Variants in NSMCE1 observed in about 807,000 individuals in gnomAD.
The protein encoded by NSMCE1 is NSE1 component of SMC5/6 complex.
A neutral mutation model predicts 29.6 loss-of-function variants in NSMCE1; 18 were observed. The ratio of observed to expected loss-of-function variants is 0.61; its 90% CI spans 0.42 to 0.90. The LOEUF is 0.90. Ranked by LOEUF, NSMCE1 falls within the 40% of genes least tolerant of loss-of-function variation. The pLI, the probability that NSMCE1 is intolerant of heterozygous loss-of-function variation, is 0.00. For missense variants in NSMCE1, 314 were observed against 343.6 expected (o/e 0.91, Z 0.68); for synonymous variants, 124 against 133.4 (o/e 0.93, Z 0.49).
intron 2 of NSMCE1, among the ~76,000 whole-genome samples, chr16:27,253,213 T>C (rs145309141): frequency 6.6e-6 from 1 of 152,368 alleles, no homozygotes; most frequent in African/African-American, 2.4e-5. Flanking sequence ...TGGGAACCAC[T>C]GATGTACAGC....
At chr16:27,264,117 A>G (rs2084193076) in intron 1 of NSMCE1, among the ~76,000 whole-genome samples, 1 of 152,218 alleles carries the variant, frequency 6.6e-6, no homozygotes. Flanking sequence ...TAATCCCAGC[A>G]CTTTGGGAGG....
chr16:27,251,185 T>TATATATAA (rs1555477389), intron 2 of NSMCE1, among the ~76,000 whole-genome samples: 9 of 52,834 alleles, frequency 1.7e-4, no homozygotes, highest in Non-Finnish European at 2.8e-4. Flanking sequence ...TATATATATA[T>TATATATAA]ATATAAATAT....
Position 27,232,849 on chromosome 16 carries a change from C to T in NSMCE1, c.483+152G>A. On this transcript the variant is annotated intron_variant, in intron 5 of 7. Transcript: ENST00000361439. The surrounding 1 kb of genome is among the most constrained non-coding windows in gnomAD (Gnocchi z 4.5). ...GGAGGAGTGAGGCCCAAGTCCTCCC[C>T]ACGGGGTCACTGCTGGAATGCATGA... is the stretch of plus-strand genomic sequence containing the variant. 1 of 728,906 alleles carries T rather than the reference C, an allele frequency of 1.4e-6. No homozygotes were observed. Among genetic ancestry groups the T allele is most frequent in the Non-Finnish European group, 2.2e-6 (1 of 447,580 alleles). The allele number at this position is 728,906 out of a possible 1,614,324, so 45.2% of individuals were successfully genotyped here.
intron 2 of NSMCE1, among the ~76,000 whole-genome samples, chr16:27,252,683 C>T (rs1228942180): frequency 1.3e-5 from 2 of 152,150 alleles, no homozygotes; most frequent in African/African-American, 2.4e-5. Context: ...CTTGGGGAGG[C>T]GGAGGCAGGC....
chr16:27,229,364 G>T (rs775052419), intron 5 of NSMCE1, among the ~76,000 whole-genome samples: 1 of 152,186 alleles, frequency 6.6e-6, no homozygotes, highest in Non-Finnish European at 1.5e-5. Context: ...CACTGATCTC[G>T]GGCTCCCCCT....
chr16:27,251,061 G>A (rs1256238894), intron 2 of NSMCE1, among the ~76,000 whole-genome samples: 5 of 147,454 alleles, frequency 3.4e-5, no homozygotes, highest in East Asian at 2.0e-4. Flanking sequence ...GGCTAGTCTC[G>A]AACTCCCGAC....
intron 6 of NSMCE1, chr16:27,226,495 C>A (rs532811472): frequency 1.9e-6 from 1 of 524,186 alleles, no homozygotes; most frequent in East Asian, 3.1e-5. Flanking sequence ...GGCCCTTGGA[C>A]CCCAACAGCA....
chr16:27,225,104 G>T lies in NSMCE1; in HGVS notation c.*53C>A. On this transcript the variant is annotated 3_prime_UTR_variant, in exon 8 of 8. Transcript: ENST00000361439. ...CACGGACGCCTTTCTTCCAAGAAGG[G>T]CTGTGGCGATCAGGCCACTCAAGGC... is the stretch of plus-strand genomic sequence containing the variant. The T allele has an allele frequency of 2.0e-6, 2 of 1,001,292 alleles. No individual in the cohort carries two copies. The highest frequency in any genetic ancestry group is 5.1e-5 in the East Asian group (2 of 39,594). 62.0% of individuals were successfully genotyped at this position (1,001,292 alleles called of 1,614,324 possible). A position where few individuals can be genotyped will look rare whatever the true frequency, so the allele number is the denominator to read the frequency against.
chr16:27,255,968 T>C (rs562476163), intron 2 of NSMCE1, among the ~76,000 whole-genome samples: 1 of 152,334 alleles, frequency 6.6e-6, no homozygotes, highest in Non-Finnish European at 1.5e-5. Context: ...GTGTTTGCCT[T>C]TGGGGACAGG....
intron 2 of NSMCE1, among the ~76,000 whole-genome samples, chr16:27,256,316 C>T (rs769503258): frequency 5.9e-5 from 9 of 152,140 alleles, no homozygotes; most frequent in African/African-American, 1.9e-4. Flanking sequence ...AATAATGTCA[C>T]GTTGGCTTCA....
intron 5 of NSMCE1, among the ~76,000 whole-genome samples, chr16:27,231,980 C>T (rs1295611525): frequency 6.6e-6 from 1 of 152,210 alleles, no homozygotes. Context: ...GCCCTCACCC[C>T]ATGACCTCTC....
At chr16:27,236,516 C>G (rs924054657) in intron 2 of NSMCE1, among the ~76,000 whole-genome samples, 1 of 151,994 alleles carries the variant, frequency 6.6e-6, no homozygotes, top group East Asian at 1.9e-4. Flanking sequence ...AGGCTGGTCT[C>G]GATCTCCTGA....
chr16:27,225,137 C>T lies in NSMCE1; in HGVS notation c.*20G>A. ...GATCAGGCCACTCAAGGCAGCCAGC[C>T]CCTCAGCAGGGCACGATGGCTAATG... On this transcript the variant is annotated 3_prime_UTR_variant, in exon 8 of 8. Transcript: ENST00000361439. The T allele has an allele frequency of 6.6e-7, 1 of 1,516,824 alleles. No individual in the cohort carries two copies. Among genetic ancestry groups the T allele is most frequent in the Non-Finnish European group, 9.1e-7 (1 of 1,100,690 alleles). The allele number at this position is 1,516,824 out of a possible 1,614,324, so 94.0% of individuals were successfully genotyped here.
rs192341879 is a variant in NSMCE1, at chr16:27,245,662, A to G, written c.137-10363T>C. Among the ~76,000 whole-genome samples, 9 of 152,358 alleles carry G rather than the reference A, an allele frequency of 5.9e-5. 1 individual carries two copies. The East Asian group carries it at 1.7e-3, about 29-fold the overall frequency. On this transcript the variant is annotated intron_variant, in intron 2 of 7. Transcript: ENST00000361439. ...CCAAAGATTCCTGTCTAAGCACTTAATAACTGCCGGCTGTCAATTCTGTAT... is the reference window on the plus strand; with the variant it reads ...CCAAAGATTCCTGTCTAAGCACTTAGTAACTGCCGGCTGTCAATTCTGTAT...
intron 2 of NSMCE1, among the ~76,000 whole-genome samples, chr16:27,251,207 T>TATATATATA (rs1555477430): frequency 9.9e-5 from 7 of 70,764 alleles, no homozygotes; most frequent in Non-Finnish European, 1.7e-4. Flanking sequence ...TATATATATA[T>TATATATATA]AAAACTCTGT....
intron 2 of NSMCE1, among the ~76,000 whole-genome samples, chr16:27,248,756 A>G (rs538329930): frequency 5.0e-4 from 76 of 151,274 alleles, no homozygotes; most frequent in African/African-American, 1.9e-3. Flanking sequence ...TCATGTGCTC[A>G]TCTGCCATCT....
chr16:27,237,007 G>T (rs187975450), intron 2 of NSMCE1, among the ~76,000 whole-genome samples: 1 of 152,266 alleles, frequency 6.6e-6, no homozygotes, highest in Admixed American at 6.5e-5. Flanking sequence ...GTGGCCGTGT[G>T]AAAGAGTCAA....
chr16:27,240,579 G>C (rs922946648), intron 2 of NSMCE1, among the ~76,000 whole-genome samples: 2 of 152,190 alleles, frequency 1.3e-5, no homozygotes, highest in Admixed American at 6.5e-5. Context: ...GAAAGGCAAA[G>C]ACCCTGGAGC....
intron 2 of NSMCE1, 114 bp from the exon 3 acceptor site, chr16:27,235,413 TGGGTGGA>T: frequency 8.4e-7 from 1 of 1,188,388 alleles, no homozygotes; most frequent in Non-Finnish European, 1.2e-6. Flanking sequence ...ACCCCAGACA[TGGGTGGA>T]GGCTGCAGCC....
Sources: allele counts gnomAD v4.1 joint callset (sites outside exome capture counted in the v4.1 genomes callset), GRCh38; gene constraint gnomAD v4.1.1; non-coding constraint Gnocchi (gnomAD v3.1); transcripts MANE v1.5; gene names NCBI Gene and HGNC (gene_info 2026-07-23, HGNC 2026-07-21).